The following CC2D2A variants were observed in gnomAD, a reference collection of about 807,000 sequenced individuals.
The protein encoded by CC2D2A is coiled-coil and C2 domain containing 2A, also known as coiled-coil and C2 domain-containing protein 2A.
Under a neutral mutation model 212.9 loss-of-function variants are expected in CC2D2A, and 155 were observed. That is an observed-to-expected ratio of 0.73 (90% CI 0.64 to 0.83). CC2D2A has a LOEUF of 0.83. Among genes scored for constraint, CC2D2A ranks in the 40% least tolerant of loss-of-function variants. The pLI is 0.00. For missense variants in CC2D2A, 1,856 were observed against 1,956.2 expected, an observed-to-expected ratio of 0.95 and a Z score of 0.97; for synonymous variants, 667 against 686.5, an observed-to-expected ratio of 0.97 and a Z score of 0.44.
chr4:15,560,617 T>C lies in CC2D2A; in HGVS notation c.3009T>C (p.Asn1003=). ...ADMIVEEEVP[N]ISILGLSLFK... is the part of the protein sequence containing the mutation. The stretch of plus-strand genomic sequence containing the variant: ...TGATAGTAGAAGAAGAAGTTCCCAA[T>C]ATCAGGTAAAAATAATCAAAGCCAT... The change falls in exon 23 of 37, where the codon AAT becomes AAC. Residue 1003 remains asparagine, a synonymous_variant. Coordinates refer to ENST00000424120, the MANE Select transcript of CC2D2A (RefSeq NM_001378615.1). The C allele has an allele frequency of 2.2e-6, 3 of 1,349,090 alleles. No homozygotes were observed. Among genetic ancestry groups the C allele is most frequent in the Non-Finnish European group, 3.1e-6 (3 of 963,478 alleles). 83.6% of individuals were successfully genotyped at this position (1,349,090 alleles called of 1,614,324 possible). A position where few individuals can be genotyped will look rare whatever the true frequency, so the allele number is the denominator to read the frequency against.
chr4:15,601,159 A>C, intron 36 of CC2D2A, 78 bp from the exon 37 acceptor site: 1 of 1,042,812 alleles, frequency 9.6e-7, no homozygotes, highest in Non-Finnish European at 1.4e-6. Context: ...ACTTATCTTA[A>C]TTGCATACAT....
In CC2D2A at chr4:15,533,352, T is replaced by C; in HGVS notation, c.1607+19T>C. 6.7e-7 allele frequency: 1 copy of C among 1,503,524 alleles called. No homozygotes were observed. The highest frequency in any genetic ancestry group is 8.9e-7 in the Non-Finnish European group (1 of 1,119,812). The allele number at this position is 1,503,524 out of a possible 1,614,324, so 93.1% of individuals were successfully genotyped here. ...TGAGAAAGTAGGCTTTTTTGAAAAA[T>C]TATTTTATTGGGCTATATCATACAT... is the stretch of plus-strand genomic sequence containing the variant. On this transcript the variant is annotated intron_variant, in intron 14 of 36. Transcript: ENST00000424120.
chr4:15,484,973 C>T lies in CC2D2A; in HGVS notation c.247+4146C>T, dbSNP rs111772243. The stretch of plus-strand genomic sequence containing the variant: ...CTACTTTCCTTCAGAGCACTCATCA[C>T]CTCCCGGCATTTTCCAATCAGCTGA... On this transcript the variant is annotated intron_variant, in intron 4 of 36. Coordinates refer to ENST00000424120, the MANE Select transcript of CC2D2A (RefSeq NM_001378615.1). 2.5e-3 allele frequency among the ~76,000 whole-genome samples: 388 copies of T among 152,278 alleles called. 1 individual carries two copies. The highest frequency in any genetic ancestry group is 7.1e-3 in the African/African-American group (293 of 41,558).
chr4:15,474,230 G>C (rs1714022003), intron 1 of CC2D2A, among the ~76,000 whole-genome samples: 2 of 152,168 alleles, frequency 1.3e-5, no homozygotes, highest in South Asian at 2.1e-4. Flanking sequence ...ACTTGTTCCA[G>C]GAGCCAACTG....
chr4:15,490,047 A>G (rs1250999832), intron 4 of CC2D2A, among the ~76,000 whole-genome samples: 5 of 152,204 alleles, frequency 3.3e-5, no homozygotes, highest in Non-Finnish European at 7.3e-5. Flanking sequence ...CCAAATTTTT[A>G]TCTCCAGCGT....
rs541923737 is a variant in CC2D2A, at chr4:15,575,341, C to T, written c.3771+1015C>T. ...TGACATAGGCAGAGGTAACACATGT[C>T]TGTCTGACTCTAAACTGTACATATT... On this transcript the variant is annotated intron_variant, in intron 29 of 36. Coordinates refer to ENST00000424120, the MANE Select transcript of CC2D2A (RefSeq NM_001378615.1). Among the ~76,000 whole-genome samples the T allele has an allele frequency of 5.8e-4, 88 of 152,308 alleles. 1 individual carries two copies. The highest frequency in any genetic ancestry group is 2.1e-3 in the African/African-American group (87 of 41,572).
intron 21 of CC2D2A, among the ~76,000 whole-genome samples, chr4:15,558,580 A>G (rs1482298338): frequency 6.6e-6 from 1 of 151,950 alleles, no homozygotes; most frequent in Admixed American, 6.6e-5. Flanking sequence ...GTTCACATCT[A>G]GTATCTTCAG....
intron 10 of CC2D2A, 81 bp from the exon 11 acceptor site, chr4:15,516,544 T>C (rs1415871756): frequency 1.1e-5 from 15 of 1,371,754 alleles, no homozygotes; most frequent in Non-Finnish European, 1.4e-5. Flanking sequence ...CACAGAATTT[T>C]CAAGAAATGT....
intron 6 of CC2D2A, among the ~76,000 whole-genome samples, chr4:15,508,620 C>G (rs1033961597): frequency 6.6e-6 from 1 of 152,180 alleles, no homozygotes; most frequent in Non-Finnish European, 1.5e-5. Context: ...CCAAGCTCTA[C>G]AAGACAGTGC....
In CC2D2A at chr4:15,527,543, A is replaced by C. The variant is rs1349293529; in HGVS notation, c.1246A>C (p.Thr416Pro). 1 of 1,613,362 alleles carries C rather than the reference A, an allele frequency of 6.2e-7. No homozygotes were observed. Among genetic ancestry groups the C allele is most frequent in the East Asian group, 2.2e-5 (1 of 44,868 alleles). The change falls in exon 12 of 37, where the codon ACT (threonine) becomes CCT (proline). Residue 416 changes from threonine to proline, a missense_variant. This residue lies in a region of CC2D2A where 1,512 missense variants were observed against 1,579.3 expected (regional missense o/e 0.96). Coordinates refer to ENST00000424120, the MANE Select transcript of CC2D2A (RefSeq NM_001378615.1). ...CATTGATATTTCAGGGTTAATCTTC[A>C]CTCATCATCCCTGTTTTAGCCGAGA... ...LDIDISGLIF[T>P]HHPCFSREHV... is the part of the protein sequence containing the mutation.
chr4:15,510,336 C>A (rs1716501092), intron 7 of CC2D2A, 96 bp downstream of exon 7: 2 of 1,050,060 alleles, frequency 1.9e-6, no homozygotes, highest in African/African-American at 1.6e-5. Context: ...TGGCTCACGC[C>A]TGCAATCCCA....
At chr4:15,471,070 G>A (rs1560383580) in intron 1 of CC2D2A, among the ~76,000 whole-genome samples, 1 of 151,920 alleles carries the variant, frequency 6.6e-6, no homozygotes, top group Non-Finnish European at 1.5e-5. Context: ...ACATTATATC[G>A]AGCTGATTAA....
At chr4:15,492,902 G>T (rs1715388701) in intron 4 of CC2D2A, 1 of 553,956 alleles carries the variant, frequency 1.8e-6, no homozygotes, top group Non-Finnish European at 3.5e-6. Flanking sequence ...TGGGTGCTCA[G>T]TGTAGCCCAG....
intron 13 of CC2D2A, among the ~76,000 whole-genome samples, chr4:15,529,909 TA>T (rs1717739783): frequency 7.3e-6 from 1 of 137,470 alleles, no homozygotes; most frequent in Middle Eastern, 3.3e-3. Flanking sequence ...TTAATTTTAT[TA>T]TTATTAAGTT....
At position 15,595,986 on chromosome 4, in the gene CC2D2A, G is replaced by A. The variant is rs1025454230; in HGVS notation, c.4315-99G>A. On this transcript the variant is annotated intron_variant, in intron 33 of 36. Coordinates refer to ENST00000424120, the MANE Select transcript of CC2D2A (RefSeq NM_001378615.1). ...TATGCGGCCTATATGAACACTTGCT[G>A]TCTCTCTGCTGCCTCTATGCCACAC... is the stretch of plus-strand genomic sequence containing the variant. 7 of 776,072 alleles carry A rather than the reference G, an allele frequency of 9.0e-6. No individual in the cohort carries two copies. The African/African-American group carries it at 9.0e-5, about 10-fold the overall frequency. The allele number at this position is 776,072 out of a possible 1,614,324, so 48.1% of individuals were successfully genotyped here.
chr4:15,565,399 G>GTTT (rs11445564), intron 24 of CC2D2A, among the ~76,000 whole-genome samples: 15 of 140,312 alleles, frequency 1.1e-4, no homozygotes, highest in Admixed American at 2.1e-4. Context: ...TCCACATACG[G>GTTT]TTTTTTTTTT....
intron 34 of CC2D2A, 124 bp from the exon 35 acceptor site, chr4:15,597,283 A>G (rs2148494255): frequency 1.4e-6 from 1 of 726,864 alleles, no homozygotes; most frequent in Middle Eastern, 2.9e-4. Flanking sequence ...GTACATCAGC[A>G]TGCATTATAT....
intron 4 of CC2D2A, among the ~76,000 whole-genome samples, chr4:15,492,137 C>G (rs1715338523): frequency 6.6e-6 from 1 of 152,206 alleles, no homozygotes; most frequent in Admixed American, 6.5e-5. Context: ...ATCCCCACCC[C>G]ATTAAATGGA....
intron 4 of CC2D2A, among the ~76,000 whole-genome samples, chr4:15,497,131 C>G (rs1715663724): frequency 6.6e-6 from 1 of 152,138 alleles, no homozygotes; most frequent in African/African-American, 2.4e-5. Flanking sequence ...AAGAAGAAAG[C>G]TGGAGGCATC....
Sources: gnomAD v4.1 joint callset for allele counts (sites outside exome capture counted in the v4.1 genomes callset) on GRCh38, gnomAD v4.1.1 for gene constraint, gnomAD v4.1.1 regional missense constraint, MANE v1.5 for transcripts, NCBI Gene and HGNC (gene_info 2026-07-23, HGNC 2026-07-21) for gene names.